Variants in ALG14 observed in about 807,000 individuals in gnomAD.
The protein encoded by ALG14 is UDP-N-acetylglucosamine transferase subunit ALG14.
Under a neutral mutation model 22.8 loss-of-function variants are expected in ALG14, and 17 were observed. That is an observed-to-expected ratio of 0.75 (90% CI 0.51 to 1.12). The LOEUF is 1.12. Ranked by LOEUF, ALG14 falls within the 50% of genes most tolerant of loss-of-function variation. ALG14 has a pLI of 0.00. For missense variants in ALG14, 288 were observed against 271.8 expected (o/e 1.06, Z -0.42); for synonymous variants, 89 against 103.7 (o/e 0.86, Z 0.86).
At chr1:95,024,046 C>T (rs1317207048) in intron 3 of ALG14, among the ~76,000 whole-genome samples, 1 of 152,222 alleles carries the variant, frequency 6.6e-6, no homozygotes, top group Non-Finnish European at 1.5e-5. Context: ...AGCAATCTCA[C>T]AAATTAACTT....
At chr1:95,034,328 C>T (rs1204800482) in intron 2 of ALG14, among the ~76,000 whole-genome samples, 1 of 152,188 alleles carries the variant, frequency 6.6e-6, no homozygotes, top group African/African-American at 2.4e-5. Flanking sequence ...GTAGTCTGCC[C>T]CTCTTCCAGG....
At chr1:95,027,076 CG>C in intron 3 of ALG14, 52 bp downstream of exon 3, 1 of 1,598,694 alleles carries the variant, frequency 6.3e-7, no homozygotes, top group Admixed American at 1.7e-5. Flanking sequence ...CTGTTACTAA[CG>C]AAAGATCTAC....
chr1:95,016,240 T>A (rs1673491140), intron 3 of ALG14, among the ~76,000 whole-genome samples: 1 of 152,230 alleles, frequency 6.6e-6, no homozygotes. Context: ...GTCAGAGAGC[T>A]GAACCTGGAG....
chr1:95,072,813 A>G lies in ALG14; in HGVS notation c.86T>C (p.Met29Thr), dbSNP rs1156822888. 16 of 1,614,192 alleles carry G rather than the reference A, an allele frequency of 9.9e-6. No individual in the cohort carries two copies. The highest frequency in any genetic ancestry group is 1.3e-5 in the Non-Finnish European group (15 of 1,180,034). ...ILRIWVVLRS[M>T]DVTPRESLSI... ...GAGAGACTCCCGGGGCGTAACGTCC[A>G]TGGAACGAAGCACTACCCATATTCG... Residue 29 changes from methionine to threonine, a missense_variant, in exon 1 of 4, where the codon ATG becomes ACG. Physicochemically the swap from Met to Thr is moderately conservative, Grantham distance 81 (BLOSUM62 -1). Coordinates refer to ENST00000370205, the MANE Select transcript of ALG14 (RefSeq NM_144988.4).
rs949825162 is a variant in ALG14, at chr1:94,983,006, T to C, written c.*70A>G. 1.5e-6 allele frequency: 2 copies of C among 1,335,328 alleles called. No homozygotes were observed. Among genetic ancestry groups the C allele is most frequent in the South Asian group, 1.2e-5 (1 of 81,008 alleles). The allele number at this position is 1,335,328 out of a possible 1,614,324, so 82.7% of individuals were successfully genotyped here. A position where few individuals can be genotyped will look rare whatever the true frequency, so the allele number is the denominator to read the frequency against. On this transcript the variant is annotated 3_prime_UTR_variant, in exon 4 of 4. Coordinates refer to ENST00000370205, the MANE Select transcript of ALG14 (RefSeq NM_144988.4). Reference sequence around the variant, plus strand: ...ACGCCTTTACAAGAAACATGTAGGGTTTTTTTCCCCCCAATTTGAGTACAT... The same window carrying C: ...ACGCCTTTACAAGAAACATGTAGGGCTTTTTTCCCCCCAATTTGAGTACAT...
chr1:95,065,113 T>TG lies in ALG14; in HGVS notation c.137-97dup, dbSNP rs1211071279. On this transcript the variant is annotated intron_variant, in intron 1 of 3. Transcript: ENST00000370205. Reference sequence around the variant, plus strand: ...CAATATCATGGTTTCAGGTTGGGGGTGGGGGGGCACTGTAATTGTATATTT... The same window carrying TG: ...CAATATCATGGTTTCAGGTTGGGGGTGGGGGGGGCACTGTAATTGTATATTT... The TG allele has an allele frequency of 4.6e-5, 49 of 1,069,884 alleles. No homozygotes were observed. The South Asian group carries it at 4.7e-4, about 10-fold the overall frequency. The allele number at this position is 1,069,884 out of a possible 1,614,324, so 66.3% of individuals were successfully genotyped here.
chr1:95,060,660 G>C (rs917992377), intron 2 of ALG14, among the ~76,000 whole-genome samples: 3 of 151,914 alleles, frequency 2.0e-5, no homozygotes, highest in African/African-American at 7.3e-5. Flanking sequence ...AGACTACAGT[G>C]AGCTGAGATC....
chr1:94,976,384 G>A lies in ALG14; in HGVS notation c.*6692C>T, dbSNP rs1187395579. 6.6e-6 allele frequency: 1 copy of A among 152,092 alleles called. No individual in the cohort carries two copies. Among genetic ancestry groups the A allele is most frequent in the Non-Finnish European group, 1.5e-5 (1 of 68,018 alleles). The allele number at this position is 152,092 out of a possible 1,614,324, so 9.4% of individuals were successfully genotyped here. ...AACAAAAAACATCTAGCTGATTGTG[G>A]TTGGCAGAAGTCTCAGATGGCCCCC... is the stretch of plus-strand genomic sequence containing the variant. On this transcript the variant is annotated 3_prime_UTR_variant, in exon 4 of 4. Coordinates refer to ENST00000370205, the MANE Select transcript of ALG14 (RefSeq NM_144988.4).
chr1:95,015,092 G>T (rs1211675623), intron 3 of ALG14, among the ~76,000 whole-genome samples: 1 of 152,192 alleles, frequency 6.6e-6, no homozygotes, highest in East Asian at 1.9e-4. Context: ...TTGGGAGCAA[G>T]TCAGGGTAAT....
chr1:94,986,734 G>A (rs1025892743), intron 3 of ALG14, among the ~76,000 whole-genome samples: 2 of 150,446 alleles, frequency 1.3e-5, no homozygotes, highest in Non-Finnish European at 2.9e-5. Context: ...GCCTCCCAAA[G>A]TGCTGGGATT....
At chr1:95,026,506 G>A (rs1254909894) in intron 3 of ALG14, among the ~76,000 whole-genome samples, 1 of 148,502 alleles carries the variant, frequency 6.7e-6, no homozygotes, top group Admixed American at 6.8e-5. Flanking sequence ...GTGTGTGTAT[G>A]TGTGTGTGAG....
rs1237775406 is a variant in ALG14 at position 94,975,040 on chromosome 1, A to G, written c.*8036T>C. ...ATACCATAAAATTCACCCAGTATAC[A>G]ATTCAGTGGCTTTTAGTATATTCAC... On this transcript the variant is annotated 3_prime_UTR_variant, in exon 4 of 4. Coordinates refer to ENST00000370205, the MANE Select transcript of ALG14 (RefSeq NM_144988.4). The G allele has an allele frequency of 3.3e-5, 5 of 152,214 alleles. No homozygotes were observed. Among genetic ancestry groups the G allele is most frequent in the African/African-American group, 1.2e-4 (5 of 41,458 alleles). 9.4% of individuals were successfully genotyped at this position (152,214 alleles called of 1,614,324 possible).
In ALG14 at chr1:94,975,295, A is replaced by G. The variant is rs1228061467; in HGVS notation, c.*7781T>C. ...TCTGTAACTTAGCCTACTGTTTACA[A>G]GGTTCATCCACACTGTAGCATGTAT... On this transcript the variant is annotated 3_prime_UTR_variant, in exon 4 of 4. Transcript: ENST00000370205. 1 of 152,252 alleles carries G rather than the reference A, an allele frequency of 6.6e-6. No individual in the cohort carries two copies. The highest frequency in any genetic ancestry group is 2.4e-5 in the African/African-American group (1 of 41,470). 9.4% of individuals were successfully genotyped at this position (152,252 alleles called of 1,614,324 possible).
chr1:95,041,749 C>G (rs1422808983), intron 2 of ALG14: 1 of 152,074 alleles, frequency 6.6e-6, no homozygotes, highest in Non-Finnish European at 1.5e-5. Flanking sequence ...GTCCACTGTG[C>G]GAAGTTAGCA....
intron 2 of ALG14, among the ~76,000 whole-genome samples, chr1:95,030,192 A>T (rs1379246533): frequency 6.6e-6 from 1 of 152,236 alleles, no homozygotes; most frequent in Admixed American, 6.5e-5. Flanking sequence ...GAAATAAAAC[A>T]TATTAATATC....
At chr1:95,011,047 C>G (rs1246240844) in intron 3 of ALG14, among the ~76,000 whole-genome samples, 1 of 152,102 alleles carries the variant, frequency 6.6e-6, no homozygotes, top group African/African-American at 2.4e-5. Flanking sequence ...ATCAGAAAGT[C>G]AACTCAAGAA....
At chr1:95,030,354 T>A (rs1432541907) in intron 2 of ALG14, among the ~76,000 whole-genome samples, 5 of 152,186 alleles carry the variant, frequency 3.3e-5, no homozygotes, top group South Asian at 4.2e-4. Context: ...GATTTCAGAC[T>A]AAGGGACTGT....
intron 1 of ALG14, 24 bp downstream of exon 1, chr1:95,072,739 G>A: frequency 6.2e-7 from 1 of 1,612,840 alleles, no homozygotes; most frequent in South Asian, 1.1e-5. Flanking sequence ...ACCCAAGTCC[G>A]ACAGTCGCCT....
chr1:95,053,604 A>C (rs1674825993), intron 2 of ALG14, among the ~76,000 whole-genome samples: 2 of 152,096 alleles, frequency 1.3e-5, no homozygotes, highest in South Asian at 4.1e-4. Context: ...TCTGTCACCC[A>C]GGCTTGAGTG....
Sources: gnomAD v4.1 joint callset for allele counts (sites outside exome capture counted in the v4.1 genomes callset) on GRCh38, gnomAD v4.1.1 for gene constraint, MANE v1.5 for transcripts, NCBI Gene and HGNC (gene_info 2026-07-23, HGNC 2026-07-21) for gene names.